PIBF1: variants seen among roughly 807,000 people sequenced by gnomAD.
PIBF1 encodes progesterone-induced-blocking factor 1.
PIBF1 carries 90 observed loss-of-function variants against 112.5 expected under a neutral mutation model. That is an observed-to-expected ratio of 0.80 (90% confidence interval 0.67 to 0.95). The LOEUF is 0.95. PIBF1 is among the 40% of genes least tolerant of loss of function. The pLI is 0.00. For synonymous variants in PIBF1, 301 were observed against 288.6 expected (o/e 1.04, Z -0.44); for missense variants, 915 against 852.3 (o/e 1.07, Z -0.92).
chr13:72,870,716 A>G (rs557806007), intron 10 of PIBF1, among the ~76,000 whole-genome samples: 1 of 152,188 alleles, frequency 6.6e-6, no homozygotes, highest in African/African-American at 2.4e-5. Flanking sequence ...GCCTTTTAGA[A>G]GAGGTGGTAC....
In PIBF1 at chr13:72,886,439, C is replaced by CAG. The variant is rs1566405715; in HGVS notation, c.1323-7345_1323-7344insAG. 2.3e-3 allele frequency among the ~76,000 whole-genome samples: 343 copies of CAG among 151,484 alleles called. 1 individual carries two copies. Among genetic ancestry groups the CAG allele is most frequent in the African/African-American group, 8.0e-3 (331 of 41,296 alleles). On this transcript the variant is annotated intron_variant, in intron 10 of 17. Transcript: ENST00000326291. Reference sequence around the variant, plus strand: ...CTAGTGTTATAAAGTTTTTATAACACTGTTATAAAAATTTTATAACAGTGT... The same window carrying CAG: ...CTAGTGTTATAAAGTTTTTATAACACAGTGTTATAAAAATTTTATAACAGTGT...
intron 2 of PIBF1, among the ~76,000 whole-genome samples, chr13:72,789,008 A>G (rs963330964): frequency 6.6e-6 from 1 of 152,168 alleles, no homozygotes; most frequent in Non-Finnish European, 1.5e-5. Context: ...CTTTAAAAGC[A>G]CTTCCCACTC....
chr13:72,987,858 A>ATTTATTTATTTT (rs1345167411), intron 16 of PIBF1, among the ~76,000 whole-genome samples: 4 of 58,128 alleles, frequency 6.9e-5, no homozygotes, highest in African/African-American at 3.7e-4. Flanking sequence ...TTATTTATTT[A>ATTTATTTATTTT]TTTTTTTTTT....
chr13:72,974,529 AC>A lies in PIBF1; in HGVS notation c.2049+855del, dbSNP rs369051363. Among the ~76,000 whole-genome samples the A allele has an allele frequency of 3.5e-3, 532 of 152,310 alleles. 2 individuals are homozygous for A. The highest frequency in any genetic ancestry group is 0.012 in the African/African-American group (504 of 41,572). On this transcript the variant is annotated intron_variant, in intron 16 of 17. Transcript: ENST00000326291. The stretch of plus-strand genomic sequence containing the variant: ...TGCAATTCATATATATTGTTGCAAT[AC>A]AGATGTATAATATATTGACCTCAAG...
At chr13:72,827,237 A>AT in intron 7 of PIBF1, 119 bp downstream of exon 7, 1 of 384,440 alleles carries the variant, frequency 2.6e-6, no homozygotes, top group Non-Finnish European at 4.6e-6. Context: ...CAAAAAGATA[A>AT]ATTTTTTTTT....
chr13:72,913,110 A>G (rs1022339632), intron 12 of PIBF1, among the ~76,000 whole-genome samples: 15 of 151,884 alleles, frequency 9.9e-5, no homozygotes, highest in African/African-American at 3.6e-4. Context: ...AGTTGTCTCT[A>G]AAGATGATTG....
chr13:73,013,919 T>C (rs1028036790), intron 17 of PIBF1, among the ~76,000 whole-genome samples: 5 of 152,124 alleles, frequency 3.3e-5, no homozygotes, highest in Non-Finnish European at 7.4e-5. Context: ...TAAAATTCTG[T>C]ACCCTGCAAA....
Position 72,885,697 on chromosome 13 carries a change from GT to G in PIBF1, c.1323-8083del, listed in dbSNP as rs149561128. 6.9e-3 allele frequency among the ~76,000 whole-genome samples: 1,046 copies of G among 152,240 alleles called. 14 individuals carry two copies. Among genetic ancestry groups the G allele is most frequent in the African/African-American group, 0.024 (1,009 of 41,530 alleles). ...ATCATCCAGAACTCAACATGCCCAA[GT>G]TTTCCCCCAAGAATTTTGATTCAGA... On this transcript the variant is annotated intron_variant, in intron 10 of 17. Coordinates refer to ENST00000326291, the MANE Select transcript of PIBF1 (RefSeq NM_006346.4).
chr13:72,855,523 C>T (rs2038383035), intron 10 of PIBF1, among the ~76,000 whole-genome samples: 1 of 152,014 alleles, frequency 6.6e-6, no homozygotes, highest in South Asian at 2.1e-4. Flanking sequence ...GTGATGCATG[C>T]CTGTGATCCC....
intron 15 of PIBF1, among the ~76,000 whole-genome samples, chr13:72,972,048 A>ATTTATTTTTTTT (rs959326644): frequency 8.6e-6 from 1 of 116,942 alleles, no homozygotes; most frequent in African/African-American, 2.8e-5. Flanking sequence ...TTATTTATTT[A>ATTTATTTTTTTT]TTTTTTGAGA....
intron 13 of PIBF1, among the ~76,000 whole-genome samples, chr13:72,926,112 A>C (rs553141172): frequency 8.5e-5 from 13 of 152,284 alleles, no homozygotes; most frequent in Non-Finnish European, 1.8e-4. Context: ...CATATGAGGT[A>C]AGGGCTTTGT....
At chr13:72,993,760 AAAG>A (rs1257074596) in intron 16 of PIBF1, among the ~76,000 whole-genome samples, 3 of 151,894 alleles carry the variant, frequency 2.0e-5, no homozygotes, top group Non-Finnish European at 4.4e-5. Flanking sequence ...AAAAAAAAAA[AAAG>A]AATCAGGATG....
intron 13 of PIBF1, among the ~76,000 whole-genome samples, chr13:72,919,656 C>T (rs1040475604): frequency 3.9e-5 from 6 of 152,012 alleles, no homozygotes; most frequent in African/African-American, 1.4e-4. Flanking sequence ...CTGAATCCTT[C>T]AAAAGAATCT....
At chr13:72,885,125 T>A (rs905879613) in intron 10 of PIBF1, among the ~76,000 whole-genome samples, 1 of 152,188 alleles carries the variant, frequency 6.6e-6, no homozygotes, top group Non-Finnish European at 1.5e-5. Flanking sequence ...TTTTTTGCAT[T>A]TCTTTTTTGT....
Position 72,826,970 on chromosome 13 carries a change from A to T in PIBF1, c.807-40A>T, listed in dbSNP as rs370256092. 79 of 1,204,192 alleles carry T rather than the reference A, an allele frequency of 6.6e-5. No individual in the cohort carries two copies. In the African/African-American group the frequency reaches 1.0e-3, roughly 15 times the overall value. 74.6% of individuals were successfully genotyped at this position (1,204,192 alleles called of 1,614,324 possible). A position where few individuals can be genotyped will look rare whatever the true frequency, so the allele number is the denominator to read the frequency against. On this transcript the variant is annotated intron_variant, in intron 6 of 17. Transcript: ENST00000326291. The stretch of plus-strand genomic sequence containing the variant: ...TTTAAAGTGTACGCTGTACAAGGGG[A>T]TGTAAAATTTACATGTCTCTTTGAA...
intron 16 of PIBF1, among the ~76,000 whole-genome samples, chr13:72,993,330 A>G (rs1566528074): frequency 7.2e-6 from 1 of 139,690 alleles, no homozygotes; most frequent in Non-Finnish European, 1.6e-5. Flanking sequence ...TCTCCAGAAA[A>G]TAAAAATAAA....
chr13:72,908,962 G>T (rs1276295927), intron 12 of PIBF1, among the ~76,000 whole-genome samples: 1 of 151,864 alleles, frequency 6.6e-6, no homozygotes, highest in Non-Finnish European at 1.5e-5. Context: ...CAGGAGAATT[G>T]CTTGAACCCG....
At chr13:72,921,939 C>G in intron 13 of PIBF1, among the ~76,000 whole-genome samples, 1 of 152,154 alleles carries the variant, frequency 6.6e-6, no homozygotes, top group East Asian at 1.9e-4. Context: ...ACAGAAGCCT[C>G]TTGAAATAAT....
chr13:72,840,444 G>T (rs1422327693), intron 9 of PIBF1, among the ~76,000 whole-genome samples: 9 of 151,704 alleles, frequency 5.9e-5, no homozygotes, highest in Non-Finnish European at 1.2e-4. Flanking sequence ...ATCAAAGTGT[G>T]CTGTTACAAT....
Sources: gnomAD v4.1 joint callset for allele counts (sites outside exome capture counted in the v4.1 genomes callset) on GRCh38, gnomAD v4.1.1 for gene constraint, MANE v1.5 for transcripts, NCBI Gene and HGNC (gene_info 2026-07-23, HGNC 2026-07-21) for gene names.